Variants in CYP7B1 observed in about 807,000 individuals in gnomAD.
The protein encoded by CYP7B1 is cytochrome P450 7B1.
In CYP7B1, 29 loss-of-function variants were observed where a neutral mutation model predicts 42.7. The ratio of observed to expected loss-of-function variants is 0.68; its 90% CI spans 0.51 to 0.93. The LOEUF is 0.93. CYP7B1 is among the 40% of genes least tolerant of loss of function. The pLI, the probability that CYP7B1 is intolerant of heterozygous loss-of-function variation, is 0.00. For synonymous variants in CYP7B1, 235 were observed against 218.2 expected (o/e 1.08, Z -0.68); for missense variants, 655 against 600.5 (o/e 1.09, Z -0.95).
chr8:64,782,539 A>T (rs1033010204), intron 1 of CYP7B1, among the ~76,000 whole-genome samples: 1 of 152,148 alleles, frequency 6.6e-6, no homozygotes, highest in South Asian at 2.1e-4. Context: ...CCAGTCTATG[A>T]TATTTTTATT....
intron 5 of CYP7B1, among the ~76,000 whole-genome samples, chr8:64,597,230 C>T (rs1239069498): frequency 1.3e-5 from 2 of 152,118 alleles, no homozygotes; most frequent in Non-Finnish European, 2.9e-5. Flanking sequence ...TTTTTGCTCC[C>T]TAAGGTGGGT....
intron 1 of CYP7B1, among the ~76,000 whole-genome samples, chr8:64,691,343 C>G (rs533515642): frequency 6.6e-6 from 1 of 152,086 alleles, no homozygotes; most frequent in Non-Finnish European, 1.5e-5. Context: ...CAAATGGCTA[C>G]CTACCTTCTC....
chr8:64,677,968 G>T (rs1806477244), intron 1 of CYP7B1, among the ~76,000 whole-genome samples: 1 of 152,054 alleles, frequency 6.6e-6, no homozygotes, highest in Non-Finnish European at 1.5e-5. Flanking sequence ...GTTAAGCCAT[G>T]ATTCCAGCAA....
At chr8:64,681,213 A>G (rs1806531740) in intron 1 of CYP7B1, among the ~76,000 whole-genome samples, 1 of 152,304 alleles carries the variant, frequency 6.6e-6, no homozygotes, top group South Asian at 2.1e-4. Flanking sequence ...TTTTTGGTGG[A>G]AAATAGGATC....
At chr8:64,765,966 T>A (rs1807967400) in intron 1 of CYP7B1, among the ~76,000 whole-genome samples, 1 of 152,228 alleles carries the variant, frequency 6.6e-6, no homozygotes, top group Non-Finnish European at 1.5e-5. Context: ...CATATATTGT[T>A]ACTGCTAGAT....
At chr8:64,599,830 A>G (rs974867306) in intron 5 of CYP7B1, among the ~76,000 whole-genome samples, 1 of 152,194 alleles carries the variant, frequency 6.6e-6, no homozygotes, top group African/African-American at 2.4e-5. Flanking sequence ...ATGGTTGATT[A>G]CCTTTCCTCC....
At chr8:64,729,465 T>C (rs1455973806) in intron 1 of CYP7B1, among the ~76,000 whole-genome samples, 1 of 152,228 alleles carries the variant, frequency 6.6e-6, no homozygotes, top group Non-Finnish European at 1.5e-5. Context: ...GCAGTGTTAA[T>C]AATAAATGCA....
At chr8:64,645,531 C>T (rs886629002) in intron 1 of CYP7B1, among the ~76,000 whole-genome samples, 4 of 152,050 alleles carry the variant, frequency 2.6e-5, no homozygotes, top group African/African-American at 7.2e-5. Context: ...CAAACCAGTG[C>T]TCAAGGAAAT....
intron 2 of CYP7B1, among the ~76,000 whole-genome samples, chr8:64,619,902 G>A (rs1017575702): frequency 2.6e-5 from 4 of 152,050 alleles, no homozygotes; most frequent in African/African-American, 9.7e-5. Flanking sequence ...ATATCCATGA[G>A]AATTGGCTGC....
chr8:64,716,137 T>C (rs1260153493), intron 1 of CYP7B1, among the ~76,000 whole-genome samples: 1 of 152,214 alleles, frequency 6.6e-6, no homozygotes, highest in African/African-American at 2.4e-5. Context: ...CTCAAATTAT[T>C]TTCTAATCTT....
chr8:64,677,257 T>C (rs912453981), intron 1 of CYP7B1, among the ~76,000 whole-genome samples: 8 of 151,848 alleles, frequency 5.3e-5, no homozygotes, highest in Non-Finnish European at 8.8e-5. Flanking sequence ...CTCATGTGCT[T>C]ACCAGACAAT....
intron 4 of CYP7B1, among the ~76,000 whole-genome samples, chr8:64,609,460 A>T (rs1805333119): frequency 6.6e-6 from 1 of 152,190 alleles, no homozygotes; most frequent in Admixed American, 6.6e-5. Context: ...CAGGCCAAAA[A>T]AGTCTAATCA....
intron 1 of CYP7B1, among the ~76,000 whole-genome samples, chr8:64,703,137 C>A (rs970223308): frequency 6.6e-6 from 1 of 151,890 alleles, no homozygotes. Flanking sequence ...GCCTTATGAA[C>A]GGGTTGTCAG....
At chr8:64,722,685 T>C (rs1272969062) in intron 1 of CYP7B1, among the ~76,000 whole-genome samples, 3 of 126,458 alleles carry the variant, frequency 2.4e-5, no homozygotes, top group South Asian at 2.6e-4. Flanking sequence ...GATCTCGTAG[T>C]ATAAAATTTA....
At chr8:64,754,617 G>A (rs2129633585) in intron 1 of CYP7B1, among the ~76,000 whole-genome samples, 1 of 152,248 alleles carries the variant, frequency 6.6e-6, no homozygotes, top group Admixed American at 6.5e-5. Context: ...GGAGTTAGGG[G>A]ATTCAAGCCC....
intron 1 of CYP7B1, among the ~76,000 whole-genome samples, chr8:64,632,737 T>C (rs1205425110): frequency 1.3e-5 from 2 of 152,144 alleles, no homozygotes; most frequent in Non-Finnish European, 2.9e-5. Context: ...GCTTACATCA[T>C]ACTTATTGGT....
intron 1 of CYP7B1, among the ~76,000 whole-genome samples, chr8:64,699,928 C>T (rs562857492): frequency 2.6e-4 from 40 of 152,122 alleles, no homozygotes; most frequent in African/African-American, 9.6e-4. Context: ...CTGGAAATGA[C>T]CACTCTCCCA....
intron 1 of CYP7B1, among the ~76,000 whole-genome samples, chr8:64,637,889 G>A (rs1461062702): frequency 2.0e-5 from 3 of 152,106 alleles, no homozygotes; most frequent in Non-Finnish European, 4.4e-5. Flanking sequence ...ATATGGTCCT[G>A]TAATTTTCAT....
downstream of CYP7B1, among the ~76,000 whole-genome samples, chr8:64,586,839 A>G (rs988127300): frequency 3.3e-5 from 5 of 152,228 alleles, no homozygotes; most frequent in Non-Finnish European, 7.4e-5. Flanking sequence ...GTATTGGCAT[A>G]TACAACTTGA....
Sources: gnomAD v4.1 joint callset for allele counts (sites outside exome capture counted in the v4.1 genomes callset) on GRCh38, gnomAD v4.1.1 for gene constraint, MANE v1.5 for transcripts, NCBI Gene and HGNC (gene_info 2026-07-23, HGNC 2026-07-21) for gene names.